USP9X: variants seen among roughly 807,000 people sequenced by gnomAD.
The protein encoded by USP9X is ubiquitin specific peptidase 9 X-linked, also known as ubiquitin carboxyl-terminal hydrolase 9X.
Under a neutral mutation model 190.3 loss-of-function variants are expected in USP9X, and 7 were observed. The ratio of observed to expected loss-of-function variants is 0.04; its 90% confidence interval spans 0.02 to 0.07. The LOEUF is 0.07. Ranked by LOEUF, USP9X falls within the 10% of genes least tolerant of loss-of-function variation. The pLI, the probability that USP9X is intolerant of heterozygous loss-of-function variation, is 1.00. For synonymous variants in USP9X, 645 were observed against 659.5 expected (o/e 0.98, Z 0.34); for missense variants, 1,010 against 1,916.9 (o/e 0.53, Z 8.83).
intron 1 of USP9X, among the ~76,000 whole-genome samples, chrX:41,100,006 G>C (rs1324029278): frequency 8.9e-6 from 1 of 111,742 alleles, no homozygotes; most frequent in African/African-American, 3.3e-5. Flanking sequence ...CCATCAATCA[G>C]CTTCAACTCA....
At chrX:41,198,782 T>A (rs1291245218) in intron 30 of USP9X, 32 bp downstream of exon 30, 1 of 1,108,401 alleles carries the variant, frequency 9.0e-7, no homozygotes, top group Non-Finnish European at 1.2e-6. Flanking sequence ...TGATAATTGA[T>A]CATTTCAATG....
At chrX:41,218,329 AGTTATT>A in intron 36 of USP9X, 37 bp from the exon 37 acceptor site, 3 of 1,168,003 alleles carry the variant, frequency 2.6e-6, no homozygotes, top group Non-Finnish European at 3.5e-6. Flanking sequence ...ATAGAGAACA[AGTTATT>A]GACTTAATAG....
intron 6 of USP9X, 36 bp downstream of exon 6, chrX:41,137,058 C>A (rs929047495): frequency 1.8e-6 from 2 of 1,120,240 alleles, no homozygotes; most frequent in Admixed American, 4.6e-5. Flanking sequence ...TTAAATAATA[C>A]AATTGTTTTG....
At chrX:41,168,447 T>C (rs1321228121) in intron 18 of USP9X, among the ~76,000 whole-genome samples, 1 of 112,400 alleles carries the variant, frequency 8.9e-6, no homozygotes, top group Admixed American at 9.4e-5. Flanking sequence ...AGTTTTCTTT[T>C]TGTCTTTGAC....
At chrX:41,123,904 G>A (rs535476945) in intron 2 of USP9X, among the ~76,000 whole-genome samples, 180 bp downstream of exon 2, 3 of 110,711 alleles carry the variant, frequency 2.7e-5, no homozygotes, top group South Asian at 3.8e-4. Context: ...TTAGCCGGGC[G>A]TGGTAGCATG....
At chrX:41,141,946 G>A (rs2062426432) in intron 9 of USP9X, among the ~76,000 whole-genome samples, 1 of 111,773 alleles carries the variant, frequency 8.9e-6, no homozygotes, top group African/African-American at 3.3e-5. Flanking sequence ...TAGCTATTTT[G>A]TATTATATTG....
chrX:41,095,749 T>C (rs769114871), intron 1 of USP9X, among the ~76,000 whole-genome samples: 79 of 112,124 alleles, frequency 7.0e-4, no homozygotes, highest in African/African-American at 2.5e-3. Flanking sequence ...AGATGTACTT[T>C]GAAGTTTAAG....
At chrX:41,226,113 TATAA>T (rs1179975402) in intron 41 of USP9X, among the ~76,000 whole-genome samples, 2 of 108,691 alleles carry the variant, frequency 1.8e-5, no homozygotes, top group African/African-American at 3.2e-5. Flanking sequence ...ATTTTGCAGT[TATAA>T]ATAAAGTTTA....
rs771235320 is a variant in USP9X, at chrX:41,204,543, A to T, written c.4825-760A>T. 4.3e-4 allele frequency among the ~76,000 whole-genome samples: 46 copies of T among 108,043 alleles called. No individual in the cohort carries two copies. In the East Asian group the frequency reaches 0.012, roughly 29 times the overall value. The allele number at this position is 108,043 out of a possible 115,157, so 93.8% of individuals were successfully genotyped here. A position where few individuals can be genotyped will look rare whatever the true frequency, so the allele number is the denominator to read the frequency against. ...TTATTCTTTTGCATGTGGATTATCC[A>T]GTTTACCCAGCACCATTTGTGGAAG... On this transcript the variant is annotated intron_variant, in intron 31 of 44. Transcript: ENST00000378308.
chrX:41,141,447 C>G lies in USP9X; in HGVS notation c.1161+16C>G. 8.7e-7 allele frequency: 1 copy of G among 1,149,689 alleles called. No homozygotes were observed. Among genetic ancestry groups the G allele is most frequent in the Non-Finnish European group, 1.2e-6 (1 of 867,651 alleles). 94.7% of individuals were successfully genotyped at this position (1,149,689 alleles called of 1,213,427 possible). On this transcript the variant is annotated intron_variant, in intron 9 of 44. Transcript: ENST00000378308. Reference sequence around the variant, plus strand: ...ACGAATGGCAGTGAGTCTTTCAGTTCTTCTTCATAGGAATAAGAATCTACT... The same window carrying G: ...ACGAATGGCAGTGAGTCTTTCAGTTGTTCTTCATAGGAATAAGAATCTACT...
Position 41,234,097 on chromosome X carries a change from A to C in USP9X, c.*1573A>C, listed in dbSNP as rs1170178023. On this transcript the variant is annotated 3_prime_UTR_variant, in exon 45 of 45. Transcript: ENST00000378308. ...GCATATTAAAATTCATTCTGTGCAT[A>C]GCATGCCTAGGCATGACACTGATTC... is the stretch of plus-strand genomic sequence containing the variant. The C allele has an allele frequency of 9.7e-6, 1 of 103,301 alleles. No individual in the cohort carries two copies. Among genetic ancestry groups the C allele is most frequent in the Non-Finnish European group, 2.0e-5 (1 of 51,278 alleles). The allele number at this position is 103,301 out of a possible 1,213,427, so 8.5% of individuals were successfully genotyped here.
At chrX:41,147,298 TATTTTAGTCTTAC>T (rs1296526674) in intron 11 of USP9X, among the ~76,000 whole-genome samples, 3 of 110,667 alleles carry the variant, frequency 2.7e-5, no homozygotes, top group Non-Finnish European at 3.8e-5. Context: ...TGTAATCTGA[TATTTTAGTCTTAC>T]ATTTTTAGCA....
intron 26 of USP9X, among the ~76,000 whole-genome samples, chrX:41,193,092 C>G (rs2062951656): frequency 9.0e-6 from 1 of 110,687 alleles, no homozygotes; most frequent in Admixed American, 9.6e-5. Context: ...ACATGCCTGA[C>G]ATGTGAAAGA....
At chrX:41,159,603 C>A (rs1262639024) in intron 14 of USP9X, among the ~76,000 whole-genome samples, 1 of 110,341 alleles carries the variant, frequency 9.1e-6, no homozygotes, top group Non-Finnish European at 1.9e-5. Context: ...CAGCTCGGCA[C>A]ACTGCAACCT....
chrX:41,116,932 C>G (rs1601945369), intron 1 of USP9X, among the ~76,000 whole-genome samples: 1 of 111,630 alleles, frequency 9.0e-6, no homozygotes, highest in East Asian at 2.8e-4. Flanking sequence ...TTTAATTGCT[C>G]CATGCCTATT....
chrX:41,144,705 C>T, intron 11 of USP9X, 79 bp downstream of exon 11: 1 of 797,350 alleles, frequency 1.3e-6, no homozygotes, highest in Non-Finnish European at 1.8e-6. Flanking sequence ...TACTTTTAGC[C>T]AATAAATACT....
chrX:41,219,318 G>T, intron 38 of USP9X, 87 bp downstream of exon 38: 1 of 935,087 alleles, frequency 1.1e-6, no homozygotes, highest in East Asian at 3.4e-5. Context: ...AATATAATCT[G>T]ATCTGAAGTA....
At chrX:41,164,845 C>T (rs764269145) in intron 15 of USP9X, among the ~76,000 whole-genome samples, 2 of 111,802 alleles carry the variant, frequency 1.8e-5, no homozygotes, top group Non-Finnish European at 3.8e-5. Context: ...TTCAAACTTA[C>T]GTAGGAGCTT....
intron 21 of USP9X, among the ~76,000 whole-genome samples, chrX:41,172,981 T>C (rs1379932907): frequency 8.9e-6 from 1 of 111,823 alleles, no homozygotes; most frequent in Non-Finnish European, 1.9e-5. Flanking sequence ...TTGTGGTGCG[T>C]CACCTGTGGG....
Sources: gnomAD v4.1 joint callset for allele counts (sites outside exome capture counted in the v4.1 genomes callset) on GRCh38, gnomAD v4.1.1 for gene constraint, MANE v1.5 for transcripts, NCBI Gene and HGNC (gene_info 2026-07-23, HGNC 2026-07-21) for gene names.